The following CYFIP1 variants were observed in gnomAD, a reference collection of about 807,000 sequenced individuals.
CYFIP1 encodes the protein cytoplasmic FMR1 interacting protein 1.
CYFIP1 carries 58 observed loss-of-function variants against 163.5 expected under a neutral mutation model. The observed-to-expected ratio is 0.35, with a 90% confidence interval of 0.29 to 0.44. The LOEUF (loss-of-function observed/expected upper bound fraction) is 0.44, where lower values mean the gene tolerates loss of function less well. Ranked by LOEUF, CYFIP1 falls within the 20% of genes least tolerant of loss-of-function variation. The pLI is 1.00. For missense variants in CYFIP1, 1,338 were observed against 1,653.8 expected, an observed-to-expected ratio of 0.81 and a Z score of 3.31; for synonymous variants, 663 against 660.7, an observed-to-expected ratio of 1.00 and a Z score of -0.05.
rs762651183 is a variant in CYFIP1 at position 22,869,983 on chromosome 15, A to G, written c.*45T>C. 5 of 1,514,132 alleles carry G rather than the reference A, an allele frequency of 3.3e-6. No homozygotes were observed. Among genetic ancestry groups the G allele is most frequent in the Admixed American group, 4.9e-5 (2 of 40,642 alleles). 93.8% of individuals were successfully genotyped at this position (1,514,132 alleles called of 1,614,324 possible). On this transcript the variant is annotated 3_prime_UTR_variant, in exon 31 of 31. Transcript: ENST00000617928. ...AAAAATCTCACTAAATAGTTTACGG[A>G]GAGAAAGGCATGCCATGTTGAGTTA...
At chr15:22,937,323 A>G (rs1215155962) in intron 8 of CYFIP1, 115 bp from the exon 9 acceptor site, 2 of 662,532 alleles carry the variant, frequency 3.0e-6, no homozygotes, top group African/African-American at 3.6e-5. Context: ...GAAATAGATC[A>G]CAAAGATCTA....
intron 8 of CYFIP1, 57 bp from the exon 9 acceptor site, chr15:22,937,265 C>G (rs1157691245): frequency 2.9e-6 from 3 of 1,023,880 alleles, no homozygotes; most frequent in South Asian, 2.6e-5. Flanking sequence ...ATTTCACTAC[C>G]CATAAGGACT....
chr15:22,936,998 C>G, intron 9 of CYFIP1, 106 bp downstream of exon 9: 1 of 756,472 alleles, frequency 1.3e-6, no homozygotes, highest in Non-Finnish European at 2.3e-6. Context: ...TCCACCCAGC[C>G]CCAGCGTTTC....
intron 21 of CYFIP1, among the ~76,000 whole-genome samples, chr15:22,908,564 C>G (rs922548256): frequency 6.1e-5 from 7 of 114,060 alleles, no homozygotes; most frequent in Non-Finnish European, 9.9e-5. Context: ...GAGTCTTGCT[C>G]TGTCGCCCAG....
intron 21 of CYFIP1, among the ~76,000 whole-genome samples, chr15:22,908,607 G>A: frequency 7.8e-6 from 1 of 128,782 alleles, no homozygotes; most frequent in East Asian, 2.5e-4. Flanking sequence ...TGGGCTCACT[G>A]CAACCCTGCC....
chr15:22,896,113 G>C (rs2060228556), intron 22 of CYFIP1, among the ~76,000 whole-genome samples: 2 of 152,170 alleles, frequency 1.3e-5, no homozygotes, highest in South Asian at 4.1e-4. Flanking sequence ...TGTGTGGCTG[G>C]TGTCTGCAGC....
rs759690671 is a variant in CYFIP1 at position 22,917,856 on chromosome 15, C to T, written c.1606G>A (p.Glu536Lys). ...EPFNDPALRG[E>K]KDPKSGFDIK... ...TCGAAGCCGCTCTTGGGGTCCTTCTCGCCCCGCAAGGCTGGGTCATTGAAG... is the reference window on the plus strand; with the variant it reads ...TCGAAGCCGCTCTTGGGGTCCTTCTTGCCCCGCAAGGCTGGGTCATTGAAG... The change falls in exon 15 of 31, where the codon GAG becomes AAG. Residue 536 changes from glutamate (E) to lysine (K), a missense_variant. Transcript: ENST00000617928. The surrounding 1 kb of genome is among the most constrained non-coding windows in gnomAD (Gnocchi z 4.2). The T allele has an allele frequency of 1.9e-6, 3 of 1,613,780 alleles. No individual in the cohort carries two copies. Among genetic ancestry groups the T allele is most frequent in the Non-Finnish European group, 2.5e-6 (3 of 1,179,954 alleles).
chr15:22,903,214 A>G (rs1378285341), intron 22 of CYFIP1, among the ~76,000 whole-genome samples: 1 of 152,150 alleles, frequency 6.6e-6, no homozygotes, highest in Non-Finnish European at 1.5e-5. Flanking sequence ...CTCAGTGAGC[A>G]GAGAAGGAAC....
At position 22,869,663 on chromosome 15, in the gene CYFIP1, T is replaced by TA. The variant is rs1184967807; in HGVS notation, c.*364dup. On this transcript the variant is annotated 3_prime_UTR_variant, in exon 31 of 31. Transcript: ENST00000617928. ...GATCCCTAAACAAAAGCTAAATAGT[T>TA]ACAGTTAATGGTAACTGGCAAGGGA... The TA allele has an allele frequency of 3.7e-4, 61 of 162,914 alleles. No individual in the cohort carries two copies. The highest frequency in any genetic ancestry group is 7.0e-4 in the East Asian group (4 of 5,742). 10.1% of individuals were successfully genotyped at this position (162,914 alleles called of 1,614,324 possible). A position where few individuals can be genotyped will look rare whatever the true frequency, so the allele number is the denominator to read the frequency against.
At chr15:22,878,150 C>G (rs1418198050) in intron 26 of CYFIP1, among the ~76,000 whole-genome samples, 1 of 152,218 alleles carries the variant, frequency 6.6e-6, no homozygotes, top group African/African-American at 2.4e-5. Flanking sequence ...AAGTGCCATT[C>G]CCATGCACAA....
rs547617820 is a variant in CYFIP1, at chr15:22,963,232, G to A, written c.-6-15941C>T. Among the ~76,000 whole-genome samples the A allele has an allele frequency of 2.7e-3, 412 of 152,206 alleles. 3 individuals are homozygous for A. Among genetic ancestry groups the A allele is most frequent in the Middle Eastern group, 6.8e-3 (2 of 294 alleles). ...TTAAAATGAGTAAGAAAGGCCAGAC[G>A]CGGTGGCTCACACCTGTAATCTCAG... On this transcript the variant is annotated intron_variant, in intron 1 of 30. Coordinates refer to ENST00000617928, the MANE Select transcript of CYFIP1 (RefSeq NM_014608.6).
chr15:22,934,433 C>T (rs542774398), intron 9 of CYFIP1, among the ~76,000 whole-genome samples: 21 of 149,000 alleles, frequency 1.4e-4, no homozygotes, highest in Non-Finnish European at 2.7e-4. Flanking sequence ...GATCTACCCA[C>T]CTCAGCCTCC....
rs1595733064 is a variant in CYFIP1 at position 22,970,612 on chromosome 15, G to T, written c.-7+9675C>A. Among the ~76,000 whole-genome samples the T allele has an allele frequency of 5.3e-5, 8 of 152,262 alleles. No homozygotes were observed. The South Asian group carries it at 1.7e-3, about 32-fold the overall frequency. On this transcript the variant is annotated intron_variant, in intron 1 of 30. Transcript: ENST00000617928. ...GAAAGGCATACTGGCCAATTAAACA[G>T]AACAAAGAACCCAGACATAAACCTT...
At chr15:22,912,131 A>C in intron 18 of CYFIP1, 48 bp downstream of exon 18, 3 of 1,482,042 alleles carry the variant, frequency 2.0e-6, no homozygotes, top group Non-Finnish European at 2.8e-6. Flanking sequence ...AAGAGAAAGG[A>C]GATTTAATTG....
chr15:22,879,854 C>G lies in CYFIP1; in HGVS notation c.3042+59G>C, dbSNP rs3751569. 402 of 1,119,972 alleles carry G rather than the reference C, an allele frequency of 3.6e-4. 2 individuals carry two copies. In the African/African-American group the frequency reaches 6.6e-3, roughly 18 times the overall value. The allele number at this position is 1,119,972 out of a possible 1,614,324, so 69.4% of individuals were successfully genotyped here. On this transcript the variant is annotated intron_variant, in intron 26 of 30. Transcript: ENST00000617928. The stretch of plus-strand genomic sequence containing the variant: ...CCGCCAAAGAAAGCCCTCCCCTGGC[C>G]GGTGGGGTGGGGTGGGGTGGGCTGG...
At chr15:22,930,635 C>T (rs1407145872) in intron 11 of CYFIP1, among the ~76,000 whole-genome samples, 2 of 151,354 alleles carry the variant, frequency 1.3e-5, no homozygotes, top group Non-Finnish European at 2.9e-5. Context: ...TCATTTTTAA[C>T]GAAAAAGCTC....
At position 22,890,658 on chromosome 15, in the gene CYFIP1, C is replaced by T. The variant is rs573993759; in HGVS notation, c.2676+2232G>A. Among the ~76,000 whole-genome samples the T allele has an allele frequency of 1.6e-3, 241 of 151,876 alleles. 1 individual carries two copies. The highest frequency in any genetic ancestry group is 5.5e-3 in the African/African-American group (227 of 41,392). On this transcript the variant is annotated intron_variant, in intron 23 of 30. Transcript: ENST00000617928. ...ACAGAGACAGGGTGGAGGGGCACAG[C>T]GGAGGCCGCACCTGCCAACAGCCTC...
intron 13 of CYFIP1, among the ~76,000 whole-genome samples, chr15:22,919,928 A>G (rs1018462504): frequency 1.3e-5 from 2 of 151,870 alleles, no homozygotes; most frequent in African/African-American, 4.8e-5. Context: ...AGGCTAAGCC[A>G]GGAGGATCAC....
chr15:22,888,741 A>AG (rs1178215676), intron 23 of CYFIP1, among the ~76,000 whole-genome samples: 1 of 146,490 alleles, frequency 6.8e-6, no homozygotes, highest in Non-Finnish European at 1.5e-5. Context: ...CTCAAAAAAA[A>AG]AAAAAATTAC....
Sources: allele counts gnomAD v4.1 joint callset (sites outside exome capture counted in the v4.1 genomes callset), GRCh38; gene constraint gnomAD v4.1.1; non-coding constraint Gnocchi (gnomAD v3.1); transcripts MANE v1.5; gene names NCBI Gene and HGNC (gene_info 2026-07-23, HGNC 2026-07-21).